The following TAFA2 variants were observed in gnomAD, a reference collection of about 807,000 sequenced individuals.
TAFA2 encodes the protein chemokine-like protein TAFA-2.
A neutral mutation model predicts 18.8 loss-of-function variants in TAFA2; 7 were observed. The ratio of observed to expected loss-of-function variants is 0.37; its 90% CI spans 0.21 to 0.70. The LOEUF (loss-of-function observed/expected upper bound fraction) is 0.70, where lower values mean the gene tolerates loss of function less well. TAFA2 is among the 30% of genes least tolerant of loss of function. The pLI is 0.53. For synonymous variants in TAFA2, 60 were observed against 54.2 expected (o/e 1.11, Z -0.47); for missense variants, 122 against 158.1 (o/e 0.77, Z 1.23).
chr12:62,063,354 CT>C (rs1882402280), intron 1 of TAFA2, among the ~76,000 whole-genome samples: 2 of 152,182 alleles, frequency 1.3e-5, no homozygotes, highest in South Asian at 2.1e-4. Flanking sequence ...GGCTATATAT[CT>C]ATCTACTCAG....
At position 62,257,162 on chromosome 12, in the gene TAFA2, A is replaced by ATGTGTG. The variant is rs71450578; in HGVS notation, c.-130+1595_-130+1600dup. Among the ~76,000 whole-genome samples the ATGTGTG allele has an allele frequency of 5.4e-3, 276 of 50,942 alleles. 3 individuals carry two copies. The highest frequency in any genetic ancestry group is 0.015 in the African/African-American group (253 of 16,498). The allele number at this position is 50,942 out of a possible 152,430, so 33.4% of individuals were successfully genotyped here. On this transcript the variant is annotated intron_variant, in intron 1 of 5. Transcript: ENST00000551619. ...CATGTGTATATATATATACATATAT[A>ATGTGTG]TGTGTGTGTGTGTGTGTGTGTGTGT... is the stretch of plus-strand genomic sequence containing the variant.
At chr12:62,076,899 A>G (rs1014067275) in intron 1 of TAFA2, among the ~76,000 whole-genome samples, 2 of 152,248 alleles carry the variant, frequency 1.3e-5, no homozygotes, top group African/African-American at 2.4e-5. Context: ...GGAAAAAATA[A>G]TCTAAAACTG....
chr12:62,059,139 A>ATGTGTGTGTGTGTGTGTGTGTGTG (rs374882700), intron 1 of TAFA2, among the ~76,000 whole-genome samples: 71 of 136,322 alleles, frequency 5.2e-4, no homozygotes, highest in African/African-American at 1.3e-3. Flanking sequence ...ATGTGTGTAT[A>ATGTGTGTGTGTGTGTGTGTGTGTG]TGTGTGTGTG....
At chr12:62,048,520 T>C (rs533397782) in intron 1 of TAFA2, among the ~76,000 whole-genome samples, 3 of 152,316 alleles carry the variant, frequency 2.0e-5, no homozygotes, top group Admixed American at 2.0e-4. Context: ...ACTCATGGAA[T>C]ACTGGAAATT....
chr12:62,130,416 T>C (rs1189870504), intron 1 of TAFA2, among the ~76,000 whole-genome samples: 1 of 151,852 alleles, frequency 6.6e-6, no homozygotes, highest in Admixed American at 6.6e-5. Context: ...TTCAAGGGGG[T>C]AAGGAATTAG....
At chr12:61,745,790 C>T (rs914439863) in intron 4 of TAFA2, among the ~76,000 whole-genome samples, 8 of 151,784 alleles carry the variant, frequency 5.3e-5, no homozygotes, top group African/African-American at 1.9e-4. Context: ...GGGAGATTAC[C>T]CTGGACTATC....
chr12:62,036,619 C>G (rs1485007320), intron 1 of TAFA2, among the ~76,000 whole-genome samples: 2 of 152,102 alleles, frequency 1.3e-5, no homozygotes, highest in South Asian at 2.1e-4. Context: ...GATGAATTGT[C>G]AGAATTCTAA....
chr12:61,927,065 C>T (rs1410957912), intron 1 of TAFA2, among the ~76,000 whole-genome samples: 1 of 93,756 alleles, frequency 1.1e-5, no homozygotes, highest in East Asian at 4.1e-4. Context: ...CAGAGTGAGA[C>T]TCTGAAAAAA....
chr12:61,941,700 C>T (rs901012688), intron 1 of TAFA2, among the ~76,000 whole-genome samples: 14 of 152,188 alleles, frequency 9.2e-5, no homozygotes, highest in Admixed American at 6.5e-4. Context: ...ACAGATGCAC[C>T]TGGAAAATGG....
At chr12:62,148,464 G>A (rs1313395516) in intron 1 of TAFA2, among the ~76,000 whole-genome samples, 1 of 152,134 alleles carries the variant, frequency 6.6e-6, no homozygotes. Context: ...AATACCACAT[G>A]TTCCCACTAT....
At chr12:62,106,819 T>C (rs1225668577) in intron 1 of TAFA2, among the ~76,000 whole-genome samples, 1 of 152,156 alleles carries the variant, frequency 6.6e-6, no homozygotes, top group Admixed American at 6.5e-5. Context: ...GCAGCAGCAA[T>C]TGAAAGACTT....
At chr12:62,147,308 G>A in intron 1 of TAFA2, among the ~76,000 whole-genome samples, 1 of 10,616 alleles carries the variant, frequency 9.4e-5, no homozygotes. Context: ...GTATGCATGT[G>A]TGTGTGTGTG....
At chr12:61,960,874 GA>G (rs1418454591) in intron 1 of TAFA2, among the ~76,000 whole-genome samples, 1 of 151,202 alleles carries the variant, frequency 6.6e-6, no homozygotes, top group East Asian at 1.9e-4. Context: ...GATGAAAATA[GA>G]AAAAAATAGA....
At chr12:61,890,600 A>G (rs2121294809) in intron 1 of TAFA2, among the ~76,000 whole-genome samples, 2 of 152,336 alleles carry the variant, frequency 1.3e-5, no homozygotes, top group South Asian at 4.1e-4. Flanking sequence ...TCTTAATAGT[A>G]GAACAAATAA....
intron 4 of TAFA2, among the ~76,000 whole-genome samples, chr12:61,724,431 G>T (rs546760648): frequency 9.3e-5 from 14 of 150,636 alleles, no homozygotes; most frequent in Non-Finnish European, 1.6e-4. Flanking sequence ...GGTGGTTTTT[G>T]GTTATGTGGA....
chr12:61,794,964 C>T (rs1472389143), intron 2 of TAFA2, among the ~76,000 whole-genome samples: 1 of 152,052 alleles, frequency 6.6e-6, no homozygotes, highest in East Asian at 1.9e-4. Context: ...ATGCAGCCAA[C>T]AGACACATGA....
chr12:61,804,013 C>A (rs995920015), intron 2 of TAFA2, among the ~76,000 whole-genome samples: 2 of 151,886 alleles, frequency 1.3e-5, no homozygotes, highest in African/African-American at 4.8e-5. Context: ...TTATTAATCC[C>A]ATTATTATTA....
Position 62,192,623 on chromosome 12 carries a change from TGGCTCCCCC to T in TAFA2, c.-1375_-1367del, listed in dbSNP as rs2062631362. 6.6e-6 allele frequency: 1 copy of T among 152,368 alleles called. No individual in the cohort carries two copies. The highest frequency in any genetic ancestry group is 1.5e-5 in the Non-Finnish European group (1 of 68,160). 9.4% of individuals were successfully genotyped at this position (152,368 alleles called of 1,614,324 possible). On this transcript the variant is annotated 5_prime_UTR_variant, in exon 1 of 5. Transcript: ENST00000416284. ...GCTGTCCAGTGAGTACAGAGTGACT[TGGCTCCCCC>T]GTATAGTGCAGCGAGAATGCAGGAG...
At chr12:62,237,173 T>C (rs1429747665) in intron 1 of TAFA2, among the ~76,000 whole-genome samples, 1 of 152,212 alleles carries the variant, frequency 6.6e-6, no homozygotes, top group Non-Finnish European at 1.5e-5. Context: ...GTGCATATTC[T>C]AATAGCCTGT....
Sources: gnomAD v4.1 joint callset for allele counts (sites outside exome capture counted in the v4.1 genomes callset) on GRCh38, gnomAD v4.1.1 for gene constraint, MANE v1.5 for transcripts, NCBI Gene and HGNC (gene_info 2026-07-23, HGNC 2026-07-21) for gene names.